The following GPR39 variants were observed in gnomAD, a reference collection of about 807,000 sequenced individuals.
GPR39 encodes the protein zinc sensing receptor.
A neutral mutation model predicts 18.4 loss-of-function variants in GPR39; 23 were observed. That is an observed-to-expected ratio of 1.25 (90% confidence interval 0.90 to 1.77). The LOEUF is 1.77. Ranked by LOEUF, GPR39 falls within the 40% of genes most tolerant of loss-of-function variation. GPR39 has a pLI of 0.00. For synonymous variants in GPR39, 280 were observed against 257.9 expected, an observed-to-expected ratio of 1.09 and a Z score of -0.82; for missense variants, 647 against 602.4, an observed-to-expected ratio of 1.07 and a Z score of -0.78.
chr2:132,527,323 C>G (rs1279846028), intron 1 of GPR39, among the ~76,000 whole-genome samples: 1 of 152,192 alleles, frequency 6.6e-6, no homozygotes, highest in African/African-American at 2.4e-5. Flanking sequence ...ACCACATTTT[C>G]TTTATCCAGT....
At chr2:132,426,187 G>A (rs1422272238) in intron 1 of GPR39, among the ~76,000 whole-genome samples, 2 of 152,164 alleles carry the variant, frequency 1.3e-5, no homozygotes, top group African/African-American at 4.8e-5. Context: ...GCCATTCACA[G>A]ATCCACCAAC....
intron 1 of GPR39, among the ~76,000 whole-genome samples, chr2:132,497,694 A>G (rs1201280142): frequency 6.6e-6 from 1 of 152,222 alleles, no homozygotes; most frequent in Non-Finnish European, 1.5e-5. Context: ...TGGAGTGCAT[A>G]TGAATAAATT....
chr2:132,473,568 A>G (rs78250415), intron 1 of GPR39, among the ~76,000 whole-genome samples: 1 of 152,310 alleles, frequency 6.6e-6, no homozygotes, highest in East Asian at 1.9e-4. Context: ...TGAAAAAAAA[A>G]GCATTTATCA....
Position 132,591,656 on chromosome 2 carries a change from A to G in GPR39, c.857-53445A>G, listed in dbSNP as rs868270753. On this transcript the variant is annotated intron_variant, in intron 1 of 1. Coordinates refer to ENST00000329321, the MANE Select transcript of GPR39 (RefSeq NM_001508.3). ...TGAGTAATACAGATTTAAAAACTCA[A>G]GTGCCAATGTGACAATTTATGGTGG... Among the ~76,000 whole-genome samples, 27 of 152,346 alleles carry G rather than the reference A, an allele frequency of 1.8e-4. No homozygotes were observed. The Middle Eastern group carries it at 0.01, about 58-fold the overall frequency.
At chr2:132,475,297 CTAGTATATAG>C (rs1261571095) in intron 1 of GPR39, among the ~76,000 whole-genome samples, 2 of 151,258 alleles carry the variant, frequency 1.3e-5, no homozygotes, top group Non-Finnish European at 1.5e-5. Flanking sequence ...TACAGTTCAT[CTAGTATATAG>C]TCTACTACTT....
At chr2:132,435,918 A>G (rs1680311334) in intron 1 of GPR39, among the ~76,000 whole-genome samples, 6 of 152,222 alleles carry the variant, frequency 3.9e-5, no homozygotes, top group Admixed American at 3.9e-4. Context: ...ATTCCATTGT[A>G]TGTCAATGTC....
At chr2:132,489,223 T>G (rs1433229572) in intron 1 of GPR39, 4 of 199,082 alleles carry the variant, frequency 2.0e-5, no homozygotes, top group African/African-American at 7.2e-5. Context: ...AAACCATATC[T>G]GTTTCTTACG....
chr2:132,632,796 G>A (rs899441775), intron 1 of GPR39, among the ~76,000 whole-genome samples: 4 of 152,166 alleles, frequency 2.6e-5, no homozygotes, highest in African/African-American at 9.7e-5. Context: ...TTTTAGCTGA[G>A]TATTACCTCT....
intron 1 of GPR39, among the ~76,000 whole-genome samples, chr2:132,495,456 T>C (rs1234114051): frequency 6.6e-6 from 1 of 152,116 alleles, no homozygotes; most frequent in Non-Finnish European, 1.5e-5. Flanking sequence ...TCATAACAGG[T>C]TGGACTCCTC....
intron 1 of GPR39, among the ~76,000 whole-genome samples, chr2:132,453,815 C>A (rs141348011): frequency 1.3e-5 from 2 of 152,114 alleles, no homozygotes; most frequent in South Asian, 2.1e-4. Flanking sequence ...ATTTCTGAGG[C>A]CTCTCTTCTG....
At chr2:132,560,961 GA>G (rs1394418600) in intron 1 of GPR39, among the ~76,000 whole-genome samples, 6 of 117,424 alleles carry the variant, frequency 5.1e-5, no homozygotes, top group Non-Finnish European at 8.2e-5. Flanking sequence ...GCCCAGGCTG[GA>G]GTGTGTAGTG....
intron 1 of GPR39, among the ~76,000 whole-genome samples, chr2:132,619,412 C>T (rs1028095575): frequency 1.3e-5 from 2 of 152,134 alleles, no homozygotes; most frequent in African/African-American, 4.8e-5. Context: ...GCAGAACTGA[C>T]CTCCACCCCT....
At chr2:132,556,419 T>C (rs113289668) in intron 1 of GPR39, among the ~76,000 whole-genome samples, 65 of 152,286 alleles carry the variant, frequency 4.3e-4, no homozygotes, top group Middle Eastern at 3.4e-3. Flanking sequence ...ATTTCACAGT[T>C]GACTCTGTAG....
At chr2:132,437,782 G>A (rs1400976798) in intron 1 of GPR39, among the ~76,000 whole-genome samples, 5 of 152,180 alleles carry the variant, frequency 3.3e-5, no homozygotes, top group Admixed American at 1.3e-4. Context: ...AAGGAAGGCT[G>A]ACATGTCAAG....
chr2:132,634,840 T>C (rs988359380), intron 1 of GPR39, among the ~76,000 whole-genome samples: 1 of 152,224 alleles, frequency 6.6e-6, no homozygotes, highest in African/African-American at 2.4e-5. Context: ...TGTCCTGTTA[T>C]ACCCATTGAC....
At chr2:132,490,886 G>C (rs1292037606) in intron 1 of GPR39, among the ~76,000 whole-genome samples, 4 of 152,160 alleles carry the variant, frequency 2.6e-5, no homozygotes, top group Non-Finnish European at 5.9e-5. Flanking sequence ...CTGGTTGGAG[G>C]GAGATGATGA....
intron 1 of GPR39, among the ~76,000 whole-genome samples, chr2:132,420,277 G>A (rs1039695320): frequency 3.7e-4 from 56 of 152,160 alleles, no homozygotes; most frequent in African/African-American, 1.2e-3. Context: ...AGCAGTTCTC[G>A]CAAATGTCCT....
At chr2:132,495,769 C>T (rs185464725) in intron 1 of GPR39, among the ~76,000 whole-genome samples, 185 of 151,566 alleles carry the variant, frequency 1.2e-3, no homozygotes, top group Non-Finnish European at 1.9e-3. Flanking sequence ...TCTACCTCTC[C>T]TCTCCTTTCC....
At chr2:132,553,711 C>G (rs1166195826) in intron 1 of GPR39, among the ~76,000 whole-genome samples, 1 of 152,068 alleles carries the variant, frequency 6.6e-6, no homozygotes, top group Admixed American at 6.5e-5. Flanking sequence ...GTATGAGGTC[C>G]CAAGAGCTGG....
Sources: allele counts gnomAD v4.1 joint callset (sites outside exome capture counted in the v4.1 genomes callset), GRCh38; gene constraint gnomAD v4.1.1; transcripts MANE v1.5; gene names NCBI Gene and HGNC (gene_info 2026-07-23, HGNC 2026-07-21).